CCL26: variants seen among roughly 807,000 people sequenced by gnomAD.
CCL26 encodes the protein C-C motif chemokine ligand 26.
In CCL26, 10 loss-of-function variants were observed where a neutral mutation model predicts 10.7. The ratio of observed to expected loss-of-function variants is 0.93; its 90% CI spans 0.57 to 1.58. CCL26 has a LOEUF of 1.58. Ranked by LOEUF, CCL26 falls within the 40% of genes most tolerant of loss-of-function variation. The pLI, the probability that CCL26 is intolerant of heterozygous loss-of-function variation, is 0.00. For missense variants in CCL26, 116 were observed against 111.0 expected (o/e 1.05, Z -0.20); for synonymous variants, 43 against 41.4 (o/e 1.04, Z -0.15).
intron 1 of CCL26, chr7:75,789,608 A>T (rs1422586417): frequency 1.3e-5 from 2 of 149,678 alleles, no homozygotes; most frequent in African/African-American, 2.4e-5. Flanking sequence ...CTCTTCTGCA[A>T]TGAGAAACCC....
At chr7:75,785,928 C>T (rs530763751) in intron 1 of CCL26, among the ~76,000 whole-genome samples, 15 of 152,294 alleles carry the variant, frequency 9.8e-5, no homozygotes, top group Middle Eastern at 6.8e-3. Context: ...TGTTTTAGGC[C>T]AGCCATCATG....
intron 1 of CCL26, among the ~76,000 whole-genome samples, chr7:75,788,437 G>A (rs375410178): frequency 2.2e-4 from 34 of 151,112 alleles, no homozygotes; most frequent in South Asian, 2.1e-3. Flanking sequence ...CCTATAAAAC[G>A]GCCCCACCCC....
At chr7:75,784,907 G>A (rs979248689) in intron 1 of CCL26, among the ~76,000 whole-genome samples, 2 of 151,958 alleles carry the variant, frequency 1.3e-5, no homozygotes, top group Admixed American at 6.6e-5. Flanking sequence ...ACCGCTCAAC[G>A]GCAATATCCC....
chr7:75,780,900 T>A (rs889775851), intron 1 of CCL26, among the ~76,000 whole-genome samples: 1 of 152,058 alleles, frequency 6.6e-6, no homozygotes, highest in Non-Finnish European at 1.5e-5. Flanking sequence ...CGGCTTACAG[T>A]TTCGTTCCAT....
intron 1 of CCL26, among the ~76,000 whole-genome samples, chr7:75,779,719 C>T (rs782593486): frequency 2.3e-4 from 35 of 152,342 alleles, no homozygotes; most frequent in Admixed American, 2.0e-3. Flanking sequence ...TCATTGTTGT[C>T]TGATCACCGC....
At chr7:75,782,178 T>A (rs1803079388) in intron 1 of CCL26, among the ~76,000 whole-genome samples, 2 of 152,150 alleles carry the variant, frequency 1.3e-5, no homozygotes, top group Non-Finnish European at 2.9e-5. Context: ...CTCTCCCTTC[T>A]CTTAATTTCA....
At chr7:75,770,881 T>A (rs1476302357) in intron 2 of CCL26, among the ~76,000 whole-genome samples, 10 of 152,166 alleles carry the variant, frequency 6.6e-5, no homozygotes, top group Non-Finnish European at 1.2e-4. Flanking sequence ...TGGGATATAA[T>A]TCACACGGCA....
At chr7:75,785,741 T>G (rs1803170001) in intron 1 of CCL26, among the ~76,000 whole-genome samples, 1 of 152,172 alleles carries the variant, frequency 6.6e-6, no homozygotes, top group African/African-American at 2.4e-5. Context: ...CCTTTCCCCA[T>G]TCCTCTTTCC....
chr7:75,770,759 T>A (rs1383463234), intron 2 of CCL26, among the ~76,000 whole-genome samples: 1 of 149,696 alleles, frequency 6.7e-6, no homozygotes, highest in African/African-American at 2.5e-5. Flanking sequence ...TCCTGCAAAC[T>A]CCGCCTCCCG....
chr7:75,785,111 AC>A (rs1301390957), intron 1 of CCL26, among the ~76,000 whole-genome samples: 1 of 152,042 alleles, frequency 6.6e-6, no homozygotes, highest in African/African-American at 2.4e-5. Flanking sequence ...GTAGTGCCCA[AC>A]CCATACACTC....
intron 1 of CCL26, among the ~76,000 whole-genome samples, chr7:75,789,200 C>G (rs1554530429): frequency 2.6e-5 from 4 of 151,362 alleles, no homozygotes; most frequent in African/African-American, 9.7e-5. Flanking sequence ...CTGCCTCAGC[C>G]TCCCAAAGTG....
intron 1 of CCL26, among the ~76,000 whole-genome samples, chr7:75,780,083 G>A (rs1369852055): frequency 1.4e-5 from 2 of 144,966 alleles, no homozygotes; most frequent in Non-Finnish European, 1.5e-5. Context: ...TTTCTGGGGG[G>A]CAAGCACCTC....
intron 1 of CCL26, among the ~76,000 whole-genome samples, chr7:75,788,649 T>G (rs782781497): frequency 1.3e-5 from 2 of 150,370 alleles, no homozygotes; most frequent in Non-Finnish European, 3.0e-5. Flanking sequence ...TCCCTTGAAC[T>G]CGGGAGGTGG....
chr7:75,772,092 C>T lies in CCL26; in HGVS notation c.73+12G>A, dbSNP rs1238105252. On this transcript the variant is annotated intron_variant, in intron 1 of 2. Transcript: ENST00000005180. ...GAAGGAACCCCAGGAGGGGAATGGGCCAGCTACGTACGTGTGGCAGTTCCA... is the reference window on the plus strand; with the variant it reads ...GAAGGAACCCCAGGAGGGGAATGGGTCAGCTACGTACGTGTGGCAGTTCCA... The T allele has an allele frequency of 1.9e-6, 3 of 1,597,802 alleles. No homozygotes were observed. Among genetic ancestry groups the T allele is most frequent in the South Asian group, 2.2e-5 (2 of 89,380 alleles).
upstream of CCL26, among the ~76,000 whole-genome samples, chr7:75,774,311 G>A (rs576368696): frequency 3.9e-5 from 6 of 152,134 alleles, 1 homozygote; most frequent in South Asian, 6.2e-4. Context: ...CATCACGCCC[G>A]GCTAATTTTG....
At chr7:75,790,157 C>CCCTTCCTT (rs1554530598), upstream of CCL26, among the ~76,000 whole-genome samples, 2,506 of 63,900 alleles carry the variant, frequency 0.039, 272 homozygotes, top group Middle Eastern at 0.06. Context: ...CTGTCTCTCT[C>CCCTTCCTT]CCTTCCTTCC....
chr7:75,788,817 T>C (rs1803259592), intron 1 of CCL26, among the ~76,000 whole-genome samples: 1 of 152,094 alleles, frequency 6.6e-6, no homozygotes, highest in Admixed American at 6.6e-5. Context: ...GGGGGCGTTC[T>C]GGGGGCTGGT....
At chr7:75,790,499 A>T (rs1023418224), upstream of CCL26, among the ~76,000 whole-genome samples, 7 of 151,826 alleles carry the variant, frequency 4.6e-5, no homozygotes, top group Non-Finnish European at 8.8e-5. Flanking sequence ...TCCTGGACTT[A>T]AGTGATCCTC....
upstream of CCL26, among the ~76,000 whole-genome samples, chr7:75,774,483 G>A (rs772745990): frequency 3.3e-5 from 5 of 151,686 alleles, no homozygotes; most frequent in Non-Finnish European, 7.4e-5. Flanking sequence ...GTCTTGCTCT[G>A]TCATCCAGGC....
Sources: gnomAD v4.1 joint callset for allele counts (sites outside exome capture counted in the v4.1 genomes callset) on GRCh38, gnomAD v4.1.1 for gene constraint, MANE v1.5 for transcripts, NCBI Gene and HGNC (gene_info 2026-07-23, HGNC 2026-07-21) for gene names.